Variants in CDK5RAP2 observed in about 807,000 individuals in gnomAD.
The protein encoded by CDK5RAP2 is CDK5 regulatory subunit-associated protein 2.
CDK5RAP2 carries 147 observed loss-of-function variants against 232.9 expected under a neutral mutation model. The observed-to-expected ratio is 0.63, with a 90% CI of 0.55 to 0.72. The LOEUF (loss-of-function observed/expected upper bound fraction) is 0.72. Among genes scored for constraint, CDK5RAP2 ranks in the 30% least tolerant of loss-of-function variants. The pLI, the probability that CDK5RAP2 is intolerant of heterozygous loss-of-function variation, is 0.00. For missense variants in CDK5RAP2, 2,195 were observed against 2,231.5 expected, an observed-to-expected ratio of 0.98 and a Z score of 0.33; for synonymous variants, 833 against 833.7, an observed-to-expected ratio of 1.00 and a Z score of 0.01.
At chr9:120,430,346 T>G (rs1031944065) in intron 25 of CDK5RAP2, among the ~76,000 whole-genome samples, 1 of 151,704 alleles carries the variant, frequency 6.6e-6, no homozygotes, top group Non-Finnish European at 1.5e-5. Context: ...GGGAGAAAAT[T>G]TTTGCAACCT....
rs73660587 is a variant in CDK5RAP2, at chr9:120,579,336, G to A, written c.59+584C>T. On this transcript the variant is annotated intron_variant, in intron 1 of 37. Coordinates refer to ENST00000349780, the MANE Select transcript of CDK5RAP2 (RefSeq NM_018249.6). ...ATCCTCACCCCAACTCTGTTGGGTGGATATTACTAGCCCATTTTACAGATG... is the reference window on the plus strand; with the variant it reads ...ATCCTCACCCCAACTCTGTTGGGTGAATATTACTAGCCCATTTTACAGATG... 4.2e-3 allele frequency among the ~76,000 whole-genome samples: 647 copies of A among 152,322 alleles called. 7 individuals are homozygous for A. Among genetic ancestry groups the A allele is most frequent in the African/African-American group, 0.015 (618 of 41,548 alleles).
At chr9:120,570,076 C>A (rs1408494734) in intron 2 of CDK5RAP2, among the ~76,000 whole-genome samples, 4 of 152,016 alleles carry the variant, frequency 2.6e-5, no homozygotes, top group African/African-American at 9.7e-5. Context: ...AAGGAGGCAC[C>A]GGGCAGATGA....
Position 120,491,412 on chromosome 9 carries a change from AT to A in CDK5RAP2, c.1376del (p.Asn459IlefsTer7), listed in dbSNP as rs1588472215. 1 of 1,612,310 alleles carries A rather than the reference AT, an allele frequency of 6.2e-7. No individual in the cohort carries two copies. The highest frequency in any genetic ancestry group is 8.5e-7 in the Non-Finnish European group (1 of 1,178,976). ...TTTCACTCAGAAGACTCTTGTAACG[AT>A]TTTCCATTGCTTTCTCTCTTTCATT... ...EVNEREKAME[N>X]RYKSLLSESN... On this transcript the variant is annotated frameshift_variant, in exon 13 of 38. Transcript: ENST00000349780. LOFTEE classifies it high-confidence loss of function.
At chr9:120,400,625 TA>T in intron 35 of CDK5RAP2, 116 bp downstream of exon 35, 2 of 1,300,226 alleles carry the variant, frequency 1.5e-6, no homozygotes, top group Non-Finnish European at 2.2e-6. Context: ...ATCTCCTCCC[TA>T]ATACATACCC....
At chr9:120,527,962 C>T (rs542521131) in intron 9 of CDK5RAP2, 37 bp from the exon 10 acceptor site, 31 of 1,611,422 alleles carry the variant, frequency 1.9e-5, no homozygotes, top group East Asian at 1.3e-4. Context: ...TAAGTTGATG[C>T]GTTCCAACCA....
At chr9:120,515,203 T>C (rs2040277132) in intron 12 of CDK5RAP2, among the ~76,000 whole-genome samples, 1 of 152,038 alleles carries the variant, frequency 6.6e-6, no homozygotes, top group Non-Finnish European at 1.5e-5. Flanking sequence ...CATCTAATAG[T>C]GAAAGATACA....
chr9:120,456,224 T>C (rs953317211), intron 20 of CDK5RAP2, among the ~76,000 whole-genome samples: 1 of 152,214 alleles, frequency 6.6e-6, no homozygotes, highest in African/African-American at 2.4e-5. Context: ...GGTGAGGTGG[T>C]GGCAGTCAGC....
At chr9:120,461,081 C>T (rs1435309772) in intron 18 of CDK5RAP2, among the ~76,000 whole-genome samples, 3 of 152,202 alleles carry the variant, frequency 2.0e-5, no homozygotes, top group Non-Finnish European at 4.4e-5. Context: ...AAATATCAAA[C>T]AGCAAGAAAG....
At chr9:120,469,190 CA>C (rs1168405152) in intron 17 of CDK5RAP2, among the ~76,000 whole-genome samples, 1 of 152,208 alleles carries the variant, frequency 6.6e-6, no homozygotes, top group Non-Finnish European at 1.5e-5. Flanking sequence ...GTGCCTTAAA[CA>C]GGCTGTTTTC....
intron 11 of CDK5RAP2, among the ~76,000 whole-genome samples, chr9:120,520,757 CAT>C (rs963573300): frequency 1.8e-4 from 22 of 119,428 alleles, no homozygotes; most frequent in African/African-American, 6.9e-4. Flanking sequence ...TCTCATATCT[CAT>C]GAGATATATC....
chr9:120,413,000 G>A (rs552763332), intron 28 of CDK5RAP2, among the ~76,000 whole-genome samples: 5 of 152,208 alleles, frequency 3.3e-5, no homozygotes, highest in African/African-American at 9.6e-5. Context: ...CAGGCAAATC[G>A]CATCACTTCC....
chr9:120,448,940 C>CG (rs2036344489), intron 21 of CDK5RAP2, among the ~76,000 whole-genome samples: 1 of 152,202 alleles, frequency 6.6e-6, no homozygotes, highest in Non-Finnish European at 1.5e-5. Context: ...GGTCTCCACA[C>CG]ATTTACTTTT....
intron 15 of CDK5RAP2, among the ~76,000 whole-genome samples, chr9:120,474,007 G>A (rs2037865414): frequency 6.6e-6 from 1 of 152,236 alleles, no homozygotes; most frequent in Admixed American, 6.5e-5. Context: ...GGGCAGGGCA[G>A]ACAGGAGCAG....
chr9:120,541,778 A>G (rs1471484053), intron 5 of CDK5RAP2, among the ~76,000 whole-genome samples: 1 of 152,236 alleles, frequency 6.6e-6, no homozygotes, highest in African/African-American at 2.4e-5. Context: ...AAAGCCTGTC[A>G]AGCGCCAGAT....
intron 3 of CDK5RAP2, among the ~76,000 whole-genome samples, chr9:120,555,785 C>A (rs1469660837): frequency 6.6e-6 from 1 of 152,158 alleles, no homozygotes; most frequent in Non-Finnish European, 1.5e-5. Flanking sequence ...TTAATAATCA[C>A]CAAAAGCTGG....
intron 25 of CDK5RAP2, among the ~76,000 whole-genome samples, chr9:120,425,284 G>A (rs1003517123): frequency 5.3e-5 from 8 of 152,096 alleles, no homozygotes; most frequent in African/African-American, 1.9e-4. Context: ...TTAAAACCAA[G>A]TGACAAATAG....
chr9:120,408,390 C>T lies in CDK5RAP2; in HGVS notation c.4683G>A (p.Leu1561=), dbSNP rs781529498. 3 of 1,614,216 alleles carry T rather than the reference C, an allele frequency of 1.9e-6. No individual in the cohort carries two copies. Among genetic ancestry groups the T allele is most frequent in the Non-Finnish European group, 2.5e-6 (3 of 1,180,042 alleles). ...CTTCATCCAGCTTCTCATACGCCTTCAGCTCCACTCGGAGAGACTGCAATA... is the reference window on the plus strand; with the variant it reads ...CTTCATCCAGCTTCTCATACGCCTTTAGCTCCACTCGGAGAGACTGCAATA... ...DKLLQSLRVE[L]KAYEKLDEEH... Residue 1561 remains leucine, a synonymous_variant, in exon 31 of 38, where the codon CTG becomes CTA. Transcript: ENST00000349780.
At chr9:120,409,999 G>C (rs928469640) in intron 29 of CDK5RAP2, among the ~76,000 whole-genome samples, 1 of 152,156 alleles carries the variant, frequency 6.6e-6, no homozygotes, top group African/African-American at 2.4e-5. Flanking sequence ...TCATAAGGAC[G>C]AGTTCCCAGC....
chr9:120,547,846 A>T (rs143967757), intron 4 of CDK5RAP2, among the ~76,000 whole-genome samples: 3 of 152,344 alleles, frequency 2.0e-5, no homozygotes, highest in Admixed American at 6.5e-5. Flanking sequence ...AAACTTACCA[A>T]GCACCTGTGA....
Sources: allele counts gnomAD v4.1 joint callset (sites outside exome capture counted in the v4.1 genomes callset), GRCh38; gene constraint gnomAD v4.1.1; transcripts MANE v1.5; gene names NCBI Gene and HGNC (gene_info 2026-07-23, HGNC 2026-07-21).